The following PDE4D variants were observed in gnomAD, a reference collection of about 807,000 sequenced individuals.
PDE4D encodes 3',5'-cyclic-AMP phosphodiesterase 4D.
In PDE4D, 24 loss-of-function variants were observed where a neutral mutation model predicts 87.4. The ratio of observed to expected loss-of-function variants is 0.27; its 90% CI spans 0.20 to 0.39. The LOEUF (loss-of-function observed/expected upper bound fraction) is 0.39, where lower values mean the gene tolerates loss of function less well. PDE4D is among the 10% of genes least tolerant of loss of function. The probability of loss-of-function intolerance (pLI) is 1.00; values close to 1 mark genes in which losing one functional copy is unlikely to be tolerated. For synonymous variants in PDE4D, 384 were observed against 383.2 expected (o/e 1.00, Z -0.02); for missense variants, 714 against 1,041.0 (o/e 0.69, Z 4.32).
chr5:59,233,736 C>T (rs1755747561), intron 1 of PDE4D, among the ~76,000 whole-genome samples: 1 of 152,082 alleles, frequency 6.6e-6, no homozygotes, highest in African/African-American at 2.4e-5. Flanking sequence ...TATTTCATTG[C>T]CACCTTAGAG....
chr5:59,739,417 G>C (rs1431361361), intron 1 of PDE4D, among the ~76,000 whole-genome samples: 1 of 151,962 alleles, frequency 6.6e-6, no homozygotes, highest in African/African-American at 2.4e-5. Flanking sequence ...GAGACTCTGT[G>C]TCAAAACAAC....
intron 1 of PDE4D, among the ~76,000 whole-genome samples, chr5:59,257,007 T>C (rs929523082): frequency 2.6e-5 from 4 of 152,016 alleles, no homozygotes; most frequent in Admixed American, 1.3e-4. Flanking sequence ...CTCCATTTTG[T>C]ATAAAGAGGG....
intron 5 of PDE4D, among the ~76,000 whole-genome samples, chr5:59,176,202 T>A (rs1446265882): frequency 1.3e-5 from 2 of 152,072 alleles, no homozygotes; most frequent in African/African-American, 4.8e-5. Context: ...TATATTGAAA[T>A]AAAAACTGGC....
intron 1 of PDE4D, among the ~76,000 whole-genome samples, chr5:59,566,529 G>A (rs1031714028): frequency 6.5e-5 from 9 of 137,728 alleles, no homozygotes; most frequent in African/African-American, 2.5e-4. Flanking sequence ...TCCAGTCACA[G>A]TTTCATGTGT....
At chr5:59,633,296 C>T (rs139196461) in intron 1 of PDE4D, among the ~76,000 whole-genome samples, 1 of 152,152 alleles carries the variant, frequency 6.6e-6, no homozygotes, top group African/African-American at 2.4e-5. Flanking sequence ...AGAATGAAAC[C>T]AAGTTGGAAA....
intron 1 of PDE4D, among the ~76,000 whole-genome samples, chr5:59,868,448 A>G (rs1218785149): frequency 6.6e-6 from 1 of 152,144 alleles, no homozygotes; most frequent in Non-Finnish European, 1.5e-5. Context: ...GAAAATGTAC[A>G]GTGAAAATTA....
chr5:59,343,626 A>T (rs956023560), intron 1 of PDE4D, among the ~76,000 whole-genome samples: 3 of 152,182 alleles, frequency 2.0e-5, no homozygotes, highest in African/African-American at 7.2e-5. Context: ...TCACAGGGAC[A>T]TTGAGCTATT....
At chr5:59,296,223 T>C (rs1769062183) in intron 1 of PDE4D, among the ~76,000 whole-genome samples, 2 of 152,076 alleles carry the variant, frequency 1.3e-5, no homozygotes, top group Non-Finnish European at 2.9e-5. Context: ...AATGCATCAG[T>C]AGGGTAATAT....
chr5:59,915,504 G>C (rs1753942545), intron 3 of PDE4D, among the ~76,000 whole-genome samples: 1 of 152,198 alleles, frequency 6.6e-6, no homozygotes, highest in African/African-American at 2.4e-5. Context: ...GCAGCTGTCA[G>C]CTTCAGCAGA....
chr5:60,058,334 A>G (rs527762837), intron 2 of PDE4D, among the ~76,000 whole-genome samples: 5 of 151,976 alleles, frequency 3.3e-5, no homozygotes, highest in African/African-American at 1.2e-4. Flanking sequence ...TGCTGACTTC[A>G]TATGCTAAGA....
chr5:60,078,570 G>A (rs1165713071), intron 2 of PDE4D, among the ~76,000 whole-genome samples: 1 of 152,108 alleles, frequency 6.6e-6, no homozygotes, highest in Non-Finnish European at 1.5e-5. Context: ...CCTGGTGTGT[G>A]TTGTTCCCTC....
chr5:59,744,729 A>C (rs1759355992), intron 1 of PDE4D, among the ~76,000 whole-genome samples: 1 of 152,206 alleles, frequency 6.6e-6, no homozygotes, highest in Non-Finnish European at 1.5e-5. Flanking sequence ...TAATGACCTG[A>C]AATAGACTAG....
chr5:59,871,272 T>C (rs1278677503), intron 1 of PDE4D, among the ~76,000 whole-genome samples: 1 of 152,194 alleles, frequency 6.6e-6, no homozygotes, highest in Non-Finnish European at 1.5e-5. Flanking sequence ...CCTGCTGACC[T>C]TGAAGAAACA....
At chr5:59,276,506 G>T (rs930327521) in intron 1 of PDE4D, among the ~76,000 whole-genome samples, 1 of 152,102 alleles carries the variant, frequency 6.6e-6, no homozygotes, top group African/African-American at 2.4e-5. Flanking sequence ...CATTTTGAGC[G>T]GATGTAATGA....
chr5:60,032,855 G>A (rs1282566090), intron 2 of PDE4D: 5 of 152,160 alleles, frequency 3.3e-5, no homozygotes, highest in East Asian at 1.9e-4. Flanking sequence ...TCCTCAGAGA[G>A]AGAAACTACA....
chr5:60,085,422 T>G (rs539091251), intron 2 of PDE4D, among the ~76,000 whole-genome samples: 1 of 152,314 alleles, frequency 6.6e-6, no homozygotes, highest in African/African-American at 2.4e-5. Flanking sequence ...CCTCCAGGCA[T>G]AGCCAGTCTT....
intron 2 of PDE4D, among the ~76,000 whole-genome samples, chr5:59,206,743 G>A (rs1334788851): frequency 6.6e-6 from 1 of 152,130 alleles, no homozygotes; most frequent in Admixed American, 6.6e-5. Flanking sequence ...TTCCAAACGA[G>A]TAAAACAGTG....
intron 1 of PDE4D, among the ~76,000 whole-genome samples, chr5:59,416,820 A>G (rs1793687565): frequency 6.6e-6 from 1 of 152,190 alleles, no homozygotes; most frequent in Non-Finnish European, 1.5e-5. Flanking sequence ...CTCTCTTGAC[A>G]TACTTAGCAC....
chr5:59,638,492 C>T (rs1390457866), intron 1 of PDE4D, among the ~76,000 whole-genome samples: 1 of 152,074 alleles, frequency 6.6e-6, no homozygotes, highest in Admixed American at 6.6e-5. Flanking sequence ...ATCATAAATG[C>T]TACTTAAAAG....
Sources: gnomAD v4.1 joint callset for allele counts (sites outside exome capture counted in the v4.1 genomes callset) on GRCh38, gnomAD v4.1.1 for gene constraint, MANE v1.5 for transcripts, NCBI Gene and HGNC (gene_info 2026-07-23, HGNC 2026-07-21) for gene names.